SPIDR: variants seen among roughly 807,000 people sequenced by gnomAD.
The protein encoded by SPIDR is scaffold protein involved in DNA repair, also known as DNA repair-scaffolding protein.
In SPIDR, 93 loss-of-function variants were observed where a neutral mutation model predicts 104.6. That is an observed-to-expected ratio of 0.89 (90% CI 0.75 to 1.06). SPIDR has a LOEUF of 1.06. SPIDR is among the 50% of genes least tolerant of loss of function. The pLI is 0.00. For synonymous variants in SPIDR, 431 were observed against 416.9 expected (o/e 1.03, Z -0.41); for missense variants, 1,154 against 1,111.2 (o/e 1.04, Z -0.55).
intron 10 of SPIDR, among the ~76,000 whole-genome samples, chr8:47,655,016 G>A (rs887761638): frequency 3.3e-5 from 5 of 151,958 alleles, no homozygotes; most frequent in African/African-American, 1.2e-4. Context: ...TGAGAATGAT[G>A]GTTTCCAGCT....
At chr8:47,537,579 AG>A (rs2087139992) in intron 8 of SPIDR, among the ~76,000 whole-genome samples, 1 of 152,226 alleles carries the variant, frequency 6.6e-6, no homozygotes, top group Non-Finnish European at 1.5e-5. Flanking sequence ...GGTGGTGGAC[AG>A]GGTATGTTTA....
intron 8 of SPIDR, among the ~76,000 whole-genome samples, chr8:47,520,868 A>G (rs2083955071): frequency 6.6e-6 from 1 of 152,196 alleles, no homozygotes; most frequent in Admixed American, 6.5e-5. Context: ...GAAAATCTTA[A>G]CAAACTGGAT....
chr8:47,490,504 C>T (rs577138162), intron 8 of SPIDR, among the ~76,000 whole-genome samples: 6 of 152,192 alleles, frequency 3.9e-5, no homozygotes, highest in East Asian at 1.9e-4. Flanking sequence ...GGGTATATAC[C>T]GAAAGGATTA....
chr8:47,357,876 T>G lies in SPIDR; in HGVS notation c.526-38500T>G, dbSNP rs571975128. 214 of 984,312 alleles carry G rather than the reference T, an allele frequency of 2.2e-4. No individual in the cohort carries two copies. The African/African-American group carries it at 3.5e-3, about 16-fold the overall frequency. The allele number at this position is 984,312 out of a possible 1,614,324, so 61.0% of individuals were successfully genotyped here. ...GTGTTTAAGGCCACATGAAGGTCAG[T>G]AAATGATACTGGAGAGCATTAAATA... On this transcript the variant is annotated intron_variant, in intron 5 of 19. Transcript: ENST00000297423.
chr8:47,433,574 G>T (rs2067738089), intron 7 of SPIDR, among the ~76,000 whole-genome samples: 2 of 152,194 alleles, frequency 1.3e-5, no homozygotes, highest in Non-Finnish European at 2.9e-5. Context: ...GGGTATGCTG[G>T]GGCCGCCAGA....
At chr8:47,298,695 A>G (rs1254392490) in intron 5 of SPIDR, among the ~76,000 whole-genome samples, 1 of 152,228 alleles carries the variant, frequency 6.6e-6, no homozygotes, top group Non-Finnish European at 1.5e-5. Flanking sequence ...TCCCAGCACC[A>G]TTTGTAAAAT....
intron 8 of SPIDR, among the ~76,000 whole-genome samples, chr8:47,472,757 A>C (rs1209538261): frequency 6.6e-6 from 1 of 152,176 alleles, no homozygotes; most frequent in Non-Finnish European, 1.5e-5. Flanking sequence ...GATAGTTTTG[A>C]TCTAGCTTTG....
At chr8:47,518,862 A>C (rs748404093) in intron 8 of SPIDR, among the ~76,000 whole-genome samples, 3 of 151,992 alleles carry the variant, frequency 2.0e-5, no homozygotes, top group African/African-American at 2.4e-5. Flanking sequence ...GTCTCGGTCT[A>C]CTGACCTTGT....
chr8:47,470,572 G>A (rs1462923611), intron 8 of SPIDR, among the ~76,000 whole-genome samples: 1 of 151,884 alleles, frequency 6.6e-6, no homozygotes, highest in Non-Finnish European at 1.5e-5. Flanking sequence ...GAGCTACCAC[G>A]CCTGACCATG....
chr8:47,421,954 C>T (rs189944740), intron 7 of SPIDR, among the ~76,000 whole-genome samples: 5 of 152,280 alleles, frequency 3.3e-5, no homozygotes, highest in Middle Eastern at 3.4e-3. Flanking sequence ...ATGTTGCAGC[C>T]TGATTGTTTC....
intron 10 of SPIDR, among the ~76,000 whole-genome samples, chr8:47,622,597 G>A (rs906357107): frequency 3.3e-5 from 5 of 152,094 alleles, no homozygotes; most frequent in East Asian, 1.9e-4. Flanking sequence ...AGGGGCTGGC[G>A]TCCCAGGAGG....
intron 5 of SPIDR, among the ~76,000 whole-genome samples, chr8:47,302,693 A>C (rs1238174239): frequency 6.6e-6 from 1 of 151,974 alleles, no homozygotes; most frequent in African/African-American, 2.4e-5. Context: ...GGTCTGTTGG[A>C]GTTTGGTGGA....
chr8:47,355,205 C>G (rs2054287031), intron 5 of SPIDR, among the ~76,000 whole-genome samples: 1 of 151,104 alleles, frequency 6.6e-6, no homozygotes, highest in Non-Finnish European at 1.5e-5. Flanking sequence ...GTCCACCCAC[C>G]TTGGCCTCCC....
intron 5 of SPIDR, among the ~76,000 whole-genome samples, chr8:47,360,058 T>G (rs1345930418): frequency 3.3e-5 from 5 of 151,778 alleles, no homozygotes; most frequent in African/African-American, 1.2e-4. Context: ...CTGGCTAACA[T>G]GATGAAAGCC....
chr8:47,518,819 TAA>T (rs1175897486), intron 8 of SPIDR, among the ~76,000 whole-genome samples: 3 of 151,898 alleles, frequency 2.0e-5, no homozygotes, highest in African/African-American at 7.3e-5. Flanking sequence ...GTATTTTTAG[TAA>T]AGACAGGGTT....
At chr8:47,660,153 A>G (rs2073869836) in intron 10 of SPIDR, among the ~76,000 whole-genome samples, 1 of 152,246 alleles carries the variant, frequency 6.6e-6, no homozygotes, top group Admixed American at 6.5e-5. Context: ...CCCCTACAAA[A>G]TTAAGAGTTT....
At chr8:47,548,710 G>T (rs1052634698) in intron 8 of SPIDR, among the ~76,000 whole-genome samples, 5 of 152,128 alleles carry the variant, frequency 3.3e-5, no homozygotes, top group African/African-American at 1.2e-4. Context: ...ATCATTTTAG[G>T]AGACAACTGG....
At chr8:47,705,149 C>T (rs1476745345) in intron 14 of SPIDR, among the ~76,000 whole-genome samples, 1 of 152,202 alleles carries the variant, frequency 6.6e-6, no homozygotes, top group Non-Finnish European at 1.5e-5. Flanking sequence ...AATGCTTGCA[C>T]CAAAGCCAGT....
intron 5 of SPIDR, among the ~76,000 whole-genome samples, chr8:47,393,072 A>G (rs1034970299): frequency 2.6e-5 from 4 of 152,052 alleles, no homozygotes; most frequent in Admixed American, 2.0e-4. Flanking sequence ...CCTGATTCTC[A>G]TGATTTCTGA....
Sources: gnomAD v4.1 joint callset for allele counts (sites outside exome capture counted in the v4.1 genomes callset) on GRCh38, gnomAD v4.1.1 for gene constraint, MANE v1.5 for transcripts, NCBI Gene and HGNC (gene_info 2026-07-23, HGNC 2026-07-21) for gene names.